ROBO3: variants seen among roughly 807,000 people sequenced by gnomAD.
ROBO3 encodes roundabout homolog 3.
ROBO3 carries 97 observed loss-of-function variants against 160.5 expected under a neutral mutation model. That is an observed-to-expected ratio of 0.60 (90% CI 0.51 to 0.72). The LOEUF (loss-of-function observed/expected upper bound fraction) is 0.72, where lower values mean the gene tolerates loss of function less well. Ranked by LOEUF, ROBO3 falls within the 30% of genes least tolerant of loss-of-function variation. ROBO3 has a pLI of 0.00. For missense variants in ROBO3, 1,858 were observed against 1,846.5 expected, an observed-to-expected ratio of 1.01 and a Z score of -0.11; for synonymous variants, 780 against 746.2, an observed-to-expected ratio of 1.05 and a Z score of -0.74.
In ROBO3 at chr11:124,879,482, A is replaced by G. The variant is rs1172281481; in HGVS notation, c.3703A>G (p.Asn1235Asp). 1 of 1,613,542 alleles carries G rather than the reference A, an allele frequency of 6.2e-7. No homozygotes were observed. The highest frequency in any genetic ancestry group is 1.7e-5 in the Admixed American group (1 of 59,992). Residue 1235 changes from asparagine (N) to aspartate (D), a missense_variant, in exon 25 of 28, where the codon AAT becomes GAT. Transcript: ENST00000397801. ...CACTGCAGGCAGAACCTGGCAGGGGAATGGGGAGATGACTCCCCCACTTCA... is the reference window on the plus strand; with the variant it reads ...CACTGCAGGCAGAACCTGGCAGGGGGATGGGGAGATGACTCCCCCACTTCA... ...SSAPGRTWQG[N>D]GEMTPPLQGP...
intron 27 of ROBO3, 105 bp from the exon 28 acceptor site, chr11:124,881,134 C>A: frequency 9.0e-7 from 1 of 1,105,012 alleles, no homozygotes; most frequent in Non-Finnish European, 1.3e-6. Flanking sequence ...AGCCTGGGCT[C>A]ACCGTAGGAG....
intron 25 of ROBO3, 54 bp downstream of exon 25, chr11:124,879,629 G>A (rs2135347754): frequency 6.5e-7 from 1 of 1,545,384 alleles, no homozygotes; most frequent in Non-Finnish European, 8.8e-7. Flanking sequence ...GGGATAGGCA[G>A]GAAACCAAGG....
chr11:124,877,249 C>T lies in ROBO3; in HGVS notation c.2804-18C>T. ...GACGGGCCCTTCTCTCACTCATTCGCCCCCTCATTTTCCCCAGTGTCCTTC... is the reference window on the plus strand; with the variant it reads ...GACGGGCCCTTCTCTCACTCATTCGTCCCCTCATTTTCCCCAGTGTCCTTC... On this transcript the variant is annotated intron_variant, in intron 18 of 27. Coordinates refer to ENST00000397801, the MANE Select transcript of ROBO3 (RefSeq NM_022370.4). The T allele has an allele frequency of 1.9e-6, 3 of 1,613,960 alleles. No individual in the cohort carries two copies. The highest frequency in any genetic ancestry group is 2.5e-6 in the Non-Finnish European group (3 of 1,179,860).
chr11:124,880,543 G>GGCCGGA lies in ROBO3; in HGVS notation c.4092_4097dup (p.Arg1367_Ser1368dup), dbSNP rs1011736614. On this transcript the variant is annotated inframe_insertion, in exon 27 of 28. Transcript: ENST00000397801. The stretch of plus-strand genomic sequence containing the variant: ...CAGCTCTAGGGGCTCCCGGGGCCCT[G>GGCCGGA]GCCGGAGCCGGAGTCGGAGTCAGAG... The GGCCGGA allele has an allele frequency of 2.0e-5, 31 of 1,537,984 alleles. No homozygotes were observed. Among genetic ancestry groups the GGCCGGA allele is most frequent in the South Asian group, 3.6e-5 (3 of 84,258 alleles).
rs115027540 is a variant in ROBO3, at chr11:124,872,726, C to T, written c.1331-158C>T. Among the ~76,000 whole-genome samples the T allele has an allele frequency of 5.4e-3, 828 of 152,318 alleles. 8 individuals carry two copies. The highest frequency in any genetic ancestry group is 0.019 in the African/African-American group (794 of 41,574). ...CAGAAGCCACTAATAATGGCTGGTCCTGGGCAGAGACTTCAGATGATTATC... is the reference window on the plus strand; with the variant it reads ...CAGAAGCCACTAATAATGGCTGGTCTTGGGCAGAGACTTCAGATGATTATC... On this transcript the variant is annotated intron_variant, in intron 8 of 27. Transcript: ENST00000397801. This position sits in a 1 kb window ranked among gnomAD's most constrained non-coding sequence, Gnocchi z 4.3.
chr11:124,870,309 A>G lies in ROBO3; in HGVS notation c.905+6A>G, dbSNP rs933657310. 1.1e-5 allele frequency: 17 copies of G among 1,612,384 alleles called. No homozygotes were observed. Among genetic ancestry groups the G allele is most frequent in the African/African-American group, 1.3e-5 (1 of 74,902 alleles). On this transcript the variant is annotated splice_donor_region_variant and intron_variant, in intron 5 of 27. Coordinates refer to ENST00000397801, the MANE Select transcript of ROBO3 (RefSeq NM_022370.4). ...GGGGAACTGCCCACAGGCAGGTGAG[A>G]GACCCCCTTCTGCCTGTAGGAAGAC...
At position 124,870,021 on chromosome 11, in the gene ROBO3, A is replaced by G. The variant is rs1946258690; in HGVS notation, c.719A>G (p.Asn240Ser). Residue 240 changes from asparagine (N) to serine (S), a missense_variant, in exon 4 of 28, where the codon AAC (asparagine) becomes AGC (serine). Transcript: ENST00000397801. ...GGCATGTATGTGTGCGTAGCCTCCA[A>G]CATGGCGGGAGAACGGGAGAGTGCG... The part of the protein sequence containing the change: ...DAGMYVCVAS[N>S]MAGERESAAA... The G allele has an allele frequency of 6.2e-7, 1 of 1,614,056 alleles. No homozygotes were observed. Among genetic ancestry groups the G allele is most frequent in the Non-Finnish European group, 8.5e-7 (1 of 1,179,894 alleles).
chr11:124,874,851 C>G lies in ROBO3; in HGVS notation c.2015C>G (p.Ala672Gly). 6.2e-7 allele frequency: 1 copy of G among 1,600,998 alleles called. No homozygotes were observed. The highest frequency in any genetic ancestry group is 8.5e-7 in the Non-Finnish European group (1 of 1,174,002). The change falls in exon 13 of 28, where the codon GCT becomes GGT. Residue 672 changes from alanine to glycine, a missense_variant. Physicochemically the swap from Ala to Gly is moderately conservative, Grantham distance 60. Transcript: ENST00000397801. ...WRGQQGLAEV[A>G]VRLQEPIVLG... ...GGCCAGCAGGGACTGGCGGAAGTGG[C>G]TGTGCGCCTGCAGGAGCCCATAGTC...
chr11:124,876,558 G>A lies in ROBO3; in HGVS notation c.2779+98G>A. 1 of 1,043,682 alleles carries A rather than the reference G, an allele frequency of 9.6e-7. No individual in the cohort carries two copies. The highest frequency in any genetic ancestry group is 1.3e-6 in the Non-Finnish European group (1 of 788,044). 64.7% of individuals were successfully genotyped at this position (1,043,682 alleles called of 1,614,324 possible). Reference sequence around the variant, plus strand: ...GCCGCTGGCGAGTGAGGACCGGGTCGGGAGAAAGGGGTCGCACCTGGAGTT... The same window carrying A: ...GCCGCTGGCGAGTGAGGACCGGGTCAGGAGAAAGGGGTCGCACCTGGAGTT... On this transcript the variant is annotated intron_variant, in intron 17 of 27. Coordinates refer to ENST00000397801, the MANE Select transcript of ROBO3 (RefSeq NM_022370.4). The surrounding 1 kb of genome is among the most constrained non-coding windows in gnomAD (Gnocchi z 5.3).
rs183022773 is a variant in ROBO3 at position 124,869,276 on chromosome 11, C to A, written c.487+148C>A. Reference sequence around the variant, plus strand: ...ACCGCGACCTTTGATCTCTAATGGCCACACCACGGCCAGAGAAGGAAGTGG... The same window carrying A: ...ACCGCGACCTTTGATCTCTAATGGCAACACCACGGCCAGAGAAGGAAGTGG... On this transcript the variant is annotated intron_variant, in intron 2 of 27. Coordinates refer to ENST00000397801, the MANE Select transcript of ROBO3 (RefSeq NM_022370.4). This position sits in a 1 kb window ranked among gnomAD's most constrained non-coding sequence, Gnocchi z 4.2. The A allele has an allele frequency of 8.9e-7, 1 of 1,118,066 alleles. No homozygotes were observed. The highest frequency in any genetic ancestry group is 2.5e-5 in the East Asian group (1 of 39,300). 69.3% of individuals were successfully genotyped at this position (1,118,066 alleles called of 1,614,324 possible).
rs1392228266 is a variant in ROBO3, at chr11:124,876,055, T to C, written c.2523T>C (p.Tyr841=). Residue 841 remains tyrosine, a synonymous_variant, in exon 16 of 28, where the codon TAT becomes TAC. Coordinates refer to ENST00000397801, the MANE Select transcript of ROBO3 (RefSeq NM_022370.4). The surrounding 1 kb of genome is among the most constrained non-coding windows in gnomAD (Gnocchi z 5.3). ...MLRGLVPGLL[Y]RTLVAAATSA... The stretch of plus-strand genomic sequence containing the variant: ...GAGGACTGGTGCCCGGTCTCCTCTA[T>C]CGAACCCTGGTCGCGGCGGCCACCA... 6.2e-7 allele frequency: 1 copy of C among 1,610,102 alleles called. No individual in the cohort carries two copies. The highest frequency in any genetic ancestry group is 1.3e-5 in the African/African-American group (1 of 74,970).
At position 124,869,243 on chromosome 11, in the gene ROBO3, T is replaced by C; in HGVS notation, c.487+115T>C. On this transcript the variant is annotated intron_variant, in intron 2 of 27. Transcript: ENST00000397801. The surrounding 1 kb of genome is among the most constrained non-coding windows in gnomAD (Gnocchi z 4.2). Reference sequence around the variant, plus strand: ...AGGACTTCAGCCCACTCAGCATCCTTCTTTGGGACCGCGACCTTTGATCTC... The same window carrying C: ...AGGACTTCAGCCCACTCAGCATCCTCCTTTGGGACCGCGACCTTTGATCTC... 8.1e-7 allele frequency: 1 copy of C among 1,239,118 alleles called. No homozygotes were observed. The highest frequency in any genetic ancestry group is 2.0e-5 in the Admixed American group (1 of 49,054). The allele number at this position is 1,239,118 out of a possible 1,614,324, so 76.8% of individuals were successfully genotyped here. A position where few individuals can be genotyped will look rare whatever the true frequency, so the allele number is the denominator to read the frequency against.
chr11:124,877,891 T>C (rs2135340989), intron 20 of ROBO3, 46 bp from the exon 21 acceptor site: 4 of 1,356,532 alleles, frequency 2.9e-6, no homozygotes, highest in Middle Eastern at 3.5e-4. Context: ...TGTTGTCCTC[T>C]ATGTTTCTGT....
Position 124,877,618 on chromosome 11 carries a change from C to G in ROBO3, c.2946C>G (p.Cys982Trp). ...SPSAQEPRGS[C>W]CPSNPDPDDR... ...CGGCCCAGGAACCCAGGGGAAGCTG[C>G]TGCCCTAGCAATCCTGACCCGGACG... Residue 982 changes from cysteine to tryptophan, a missense_variant, in exon 20 of 28, where the codon TGC becomes TGG. Cys to Trp is a radical substitution (Grantham distance 215, BLOSUM62 -2). Coordinates refer to ENST00000397801, the MANE Select transcript of ROBO3 (RefSeq NM_022370.4). 1 of 1,610,424 alleles carries G rather than the reference C, an allele frequency of 6.2e-7. No homozygotes were observed.
chr11:124,879,166 G>A, intron 23 of ROBO3, 24 bp from the exon 24 acceptor site: 1 of 1,547,596 alleles, frequency 6.5e-7, no homozygotes, highest in Non-Finnish European at 8.7e-7. Flanking sequence ...AGGGAACAGA[G>A]GCTGCGGCCT....
rs749069258 is a variant in ROBO3 at position 124,873,409 on chromosome 11, T to C, written c.1618+18T>C. On this transcript the variant is annotated intron_variant, in intron 10 of 27. Coordinates refer to ENST00000397801, the MANE Select transcript of ROBO3 (RefSeq NM_022370.4). The surrounding 1 kb of genome is among the most constrained non-coding windows in gnomAD (Gnocchi z 4.5). ...GATGCGGGGTGAGTTTTTTCTTTCTTCCCTTATTTTGATAATACCTTCCTC... is the reference window on the plus strand; with the variant it reads ...GATGCGGGGTGAGTTTTTTCTTTCTCCCCTTATTTTGATAATACCTTCCTC... 1.9e-5 allele frequency: 30 copies of C among 1,600,220 alleles called. No individual in the cohort carries two copies. Among genetic ancestry groups the C allele is most frequent in the Non-Finnish European group, 2.6e-5 (30 of 1,172,366 alleles).
intron 23 of ROBO3, 91 bp from the exon 24 acceptor site, chr11:124,879,099 G>A (rs1946487524): frequency 1.4e-6 from 2 of 1,402,192 alleles, no homozygotes; most frequent in African/African-American, 1.4e-5. Context: ...TCGTTTATCT[G>A]TTAGGTTGAT....
In ROBO3 at chr11:124,877,553, T is replaced by C; in HGVS notation, c.2881T>C (p.Trp961Arg). The change falls in exon 20 of 28, where the codon TGG becomes CGG. Residue 961 changes from tryptophan (W) to arginine (R), a missense_variant. Transcript: ENST00000397801. ...PMGLGPAPYS[W>R]LADSWPHPSR... ...GGGCCTTGGCCCCGCCCCCTACTCATGGCTGGCAGATTCGTGGCCCCACCC... is the reference window on the plus strand; with the variant it reads ...GGGCCTTGGCCCCGCCCCCTACTCACGGCTGGCAGATTCGTGGCCCCACCC... 1 of 1,601,782 alleles carries C rather than the reference T, an allele frequency of 6.2e-7. No individual in the cohort carries two copies. The highest frequency in any genetic ancestry group is 8.5e-7 in the Non-Finnish European group (1 of 1,174,764).
Position 124,877,974 on chromosome 11 carries a change from G to T in ROBO3, c.3024G>T (p.Arg1008Ser), listed in dbSNP as rs758701221. ...CCCTGTATCTAGCTCAGACGGCCAG[G>T]GGCACGGCCGCCCCTGGCGAGGGTC... ...GISLYLAQTA[R>S]GTAAPGEGPV... The change falls in exon 21 of 28, where the codon AGG becomes AGT. Residue 1008 changes from arginine to serine, a missense_variant. Coordinates refer to ENST00000397801, the MANE Select transcript of ROBO3 (RefSeq NM_022370.4). 6.2e-7 allele frequency: 1 copy of T among 1,610,522 alleles called. No homozygotes were observed. The highest frequency in any genetic ancestry group is 8.5e-7 in the Non-Finnish European group (1 of 1,178,530).
Sources: allele counts gnomAD v4.1 joint callset (sites outside exome capture counted in the v4.1 genomes callset), GRCh38; gene constraint gnomAD v4.1.1; non-coding constraint Gnocchi (gnomAD v3.1); transcripts MANE v1.5; gene names NCBI Gene and HGNC (gene_info 2026-07-23, HGNC 2026-07-21).